DIS3L2: variants seen among roughly 807,000 people sequenced by gnomAD.
The protein encoded by DIS3L2 is DIS3 like 3'-5' exoribonuclease 2.
Under a neutral mutation model 97.5 loss-of-function variants are expected in DIS3L2, and 34 were observed. The ratio of observed to expected loss-of-function variants is 0.35; its 90% CI spans 0.27 to 0.46. The LOEUF (loss-of-function observed/expected upper bound fraction) is 0.46, where lower values mean the gene tolerates loss of function less well. Ranked by LOEUF, DIS3L2 falls within the 20% of genes least tolerant of loss-of-function variation. DIS3L2 has a pLI of 1.00. For missense variants in DIS3L2, 1,038 were observed against 1,146.0 expected, an observed-to-expected ratio of 0.91 and a Z score of 1.36; for synonymous variants, 435 against 445.2, an observed-to-expected ratio of 0.98 and a Z score of 0.29.
At position 232,300,092 on chromosome 2, in the gene DIS3L2, A is replaced by T. The variant is rs1438379709; in HGVS notation, c.1712A>T (p.His571Leu). The change falls in exon 14 of 21, where the codon CAT (histidine) becomes CTT (leucine). Residue 571 changes from histidine to leucine, a missense_variant. By Grantham distance (99) the His-to-Leu change is moderately conservative (BLOSUM62 -3). This residue lies in a region of DIS3L2 where 813 missense variants were observed against 880.1 expected (regional missense o/e 0.92). Transcript: ENST00000325385. ...DHETGLPQGC[H>L]IYEYRESNKL... ...GAGACCGGATTGCCTCAAGGATGTC[A>T]TATCTATGAGTACCGCGAGAGCAAC... is the stretch of plus-strand genomic sequence containing the variant. The T allele has an allele frequency of 2.7e-5, 43 of 1,613,932 alleles. No individual in the cohort carries two copies. The highest frequency in any genetic ancestry group is 3.6e-5 in the Non-Finnish European group (42 of 1,179,832).
In DIS3L2 at chr2:232,336,805, G is replaced by T; in HGVS notation, c.*175G>T. 1 of 1,429,912 alleles carries T rather than the reference G, an allele frequency of 7.0e-7. No individual in the cohort carries two copies. The allele number at this position is 1,429,912 out of a possible 1,614,324, so 88.6% of individuals were successfully genotyped here. On this transcript the variant is annotated 3_prime_UTR_variant, in exon 21 of 21. Coordinates refer to ENST00000325385, the MANE Select transcript of DIS3L2 (RefSeq NM_152383.5). ...TTAAACAAACTGCAGGGGAGAGGGT[G>T]GGGCTGGAAGGAAGGCTGAGGCCTG...
chr2:232,207,895 A>T (rs893524939), intron 9 of DIS3L2, among the ~76,000 whole-genome samples: 1 of 152,230 alleles, frequency 6.6e-6, no homozygotes, highest in African/African-American at 2.4e-5. Context: ...AAGATTCTCT[A>T]TAGTTTTGAT....
chr2:231,977,181 T>C (rs1693123532), intron 1 of DIS3L2, among the ~76,000 whole-genome samples: 1 of 152,224 alleles, frequency 6.6e-6, no homozygotes, highest in African/African-American at 2.4e-5. Context: ...TGAATGAATA[T>C]AGCTTTTGCA....
Position 232,336,748 on chromosome 2 carries a change from T to C in DIS3L2, c.*118T>C, listed in dbSNP as rs561115845. 1.2e-4 allele frequency: 177 copies of C among 1,486,382 alleles called. 2 individuals are homozygous for C. The South Asian group carries it at 2.2e-3, about 19-fold the overall frequency. 92.1% of individuals were successfully genotyped at this position (1,486,382 alleles called of 1,614,324 possible). ...GTTTTTAACAACTCAGGGGTTTGTT[T>C]TTATTTTTATTTAATTTTTGCAGCT... On this transcript the variant is annotated 3_prime_UTR_variant, in exon 21 of 21. Coordinates refer to ENST00000325385, the MANE Select transcript of DIS3L2 (RefSeq NM_152383.5).
intron 7 of DIS3L2, among the ~76,000 whole-genome samples, chr2:232,133,755 T>A (rs1178333469): frequency 6.6e-6 from 1 of 151,620 alleles, no homozygotes; most frequent in Admixed American, 6.6e-5. Context: ...GAGGCCAAGG[T>A]GGGCAGATCA....
intron 1 of DIS3L2, among the ~76,000 whole-genome samples, chr2:231,999,444 G>A (rs140967939): frequency 1.2e-4 from 18 of 152,254 alleles, no homozygotes; most frequent in East Asian, 1.9e-4. Context: ...GTATATAGAC[G>A]CATCCGTATT....
chr2:232,262,926 C>T (rs1693748521), intron 12 of DIS3L2, among the ~76,000 whole-genome samples: 1 of 152,162 alleles, frequency 6.6e-6, no homozygotes, highest in African/African-American at 2.4e-5. Context: ...GAAAAAGCCT[C>T]CAGCATGCCT....
At chr2:232,029,858 C>A in intron 4 of DIS3L2, 121 bp from the exon 5 acceptor site, 2 of 691,958 alleles carry the variant, frequency 2.9e-6, no homozygotes, top group Non-Finnish European at 4.8e-6. Flanking sequence ...TTATTTAATA[C>A]GAAAAAGGAT....
intron 6 of DIS3L2, among the ~76,000 whole-genome samples, chr2:232,093,685 A>C (rs1696916516): frequency 6.6e-6 from 1 of 152,110 alleles, no homozygotes; most frequent in South Asian, 2.1e-4. Flanking sequence ...AGTTTCTCAT[A>C]ATATCCACTA....
At chr2:232,260,874 A>T (rs527308348) in intron 12 of DIS3L2, among the ~76,000 whole-genome samples, 12 of 152,220 alleles carry the variant, frequency 7.9e-5, no homozygotes, top group African/African-American at 2.6e-4. Flanking sequence ...CCCCATGGGG[A>T]ATGCCTACAT....
intron 16 of DIS3L2, among the ~76,000 whole-genome samples, chr2:232,333,176 GCCTCCTCCTCCTCCTCCTCCTCCTCCT>G (rs1166373912): frequency 1.5e-4 from 4 of 26,188 alleles, no homozygotes; most frequent in East Asian, 1.1e-3. Context: ...CTCCGCTGTC[GCCTCCTCCTCCTCCTCCTCCTCCTCCT>G]CCTCCTCCTC....
At chr2:232,334,542 C>T (rs570385079) in intron 18 of DIS3L2, 43 bp downstream of exon 18, 11 of 1,609,968 alleles carry the variant, frequency 6.8e-6, no homozygotes, top group African/African-American at 4.0e-5. Context: ...CTCTGGCTCC[C>T]GACCCTCCTG....
At chr2:232,122,294 A>T (rs1559651011) in intron 6 of DIS3L2, among the ~76,000 whole-genome samples, 1 of 152,196 alleles carries the variant, frequency 6.6e-6, no homozygotes, top group Non-Finnish European at 1.5e-5. Context: ...TAATCCTCCC[A>T]TTAACTCCTT....
chr2:232,238,507 T>C (rs746233945), intron 10 of DIS3L2, 26 bp from the exon 11 acceptor site: 1 of 1,599,448 alleles, frequency 6.3e-7, no homozygotes, highest in East Asian at 2.2e-5. Context: ...CACGCCAGCC[T>C]GATAGTCCTT....
chr2:232,315,848 G>A (rs1451731949), intron 14 of DIS3L2, among the ~76,000 whole-genome samples: 3 of 152,292 alleles, frequency 2.0e-5, no homozygotes, highest in African/African-American at 7.2e-5. Context: ...ACACAGCAAG[G>A]CCTGGCTGAG....
intron 14 of DIS3L2, among the ~76,000 whole-genome samples, chr2:232,307,053 C>A (rs1289735543): frequency 6.6e-6 from 1 of 152,280 alleles, no homozygotes; most frequent in Non-Finnish European, 1.5e-5. Context: ...CTCACAGGCA[C>A]CACCAAAGCT....
At chr2:232,109,094 G>A (rs192184490) in intron 6 of DIS3L2, among the ~76,000 whole-genome samples, 1 of 152,094 alleles carries the variant, frequency 6.6e-6, no homozygotes, top group African/African-American at 2.4e-5. Context: ...TGCCTGAATA[G>A]CCAAGGCGAT....
chr2:232,153,597 A>T (rs1290172224), intron 8 of DIS3L2, among the ~76,000 whole-genome samples: 38 of 75,268 alleles, frequency 5.0e-4, no homozygotes, highest in East Asian at 2.7e-3. Flanking sequence ...CTTTCCTTTG[A>T]GGGTAACCCG....
intron 4 of DIS3L2, among the ~76,000 whole-genome samples, chr2:232,026,082 C>G (rs1005997727): frequency 6.6e-6 from 1 of 152,118 alleles, no homozygotes; most frequent in Non-Finnish European, 1.5e-5. Context: ...TTTGCTGCTT[C>G]CTCTCTTCCC....
Sources: gnomAD v4.1 joint callset for allele counts (sites outside exome capture counted in the v4.1 genomes callset) on GRCh38, gnomAD v4.1.1 for gene constraint, gnomAD v4.1.1 regional missense constraint, MANE v1.5 for transcripts, NCBI Gene and HGNC (gene_info 2026-07-23, HGNC 2026-07-21) for gene names.